Variants in COXFA4L2 observed in about 807,000 individuals in gnomAD.
COXFA4L2 encodes cytochrome c oxidase hypoxia associated subunit FA4L2, also known as NADH dehydrogenase (ubiquinone) 1 alpha subcomplex, 4-like 2.
At chr12:57,239,126 C>G in the COXFA4L2 span, among the ~76,000 whole-genome samples, 2 of 152,246 alleles carry the variant, frequency 1.3e-5, no homozygotes, top group Non-Finnish European at 2.9e-5. The surrounding 1 kb of genome is among the most constrained non-coding windows in gnomAD (Gnocchi z 5.5). Flanking sequence ...AGCGCTAACC[C>G]GCACCAGGAT....
At chr12:57,237,003 G>A in the COXFA4L2 span, 2 of 1,613,874 alleles carry the variant, frequency 1.2e-6, no homozygotes, top group African/African-American at 2.7e-5. Flanking sequence ...TTAGGAGTTA[G>A]AGGTTCTGAG....
chr12:57,235,561 G>A, the COXFA4L2 span: 1 of 1,613,544 alleles, frequency 6.2e-7, no homozygotes, highest in Non-Finnish European at 8.5e-7. Context: ...GCCCAGCCTG[G>A]CTTAGAAGTC....
chr12:57,235,893 C>T, the COXFA4L2 span: 16 of 1,311,228 alleles, frequency 1.2e-5, no homozygotes, highest in African/African-American at 5.9e-5. Flanking sequence ...AAGCTCCACC[C>T]GGAGGCTCTG....
At chr12:57,235,706 A>G in the COXFA4L2 span, 1 of 1,611,458 alleles carries the variant, frequency 6.2e-7, no homozygotes, top group Non-Finnish European at 8.5e-7. Flanking sequence ...CAGGACCAGG[A>G]GATAAGAGGA....
chr12:57,235,541 G>A, the COXFA4L2 span: 3 of 1,611,776 alleles, frequency 1.9e-6, no homozygotes, highest in Non-Finnish European at 2.5e-6. Flanking sequence ...TGGCTTGCAT[G>A]GCACTGGCAG....
the COXFA4L2 span, chr12:57,240,126 C>G: frequency 6.6e-6 from 1 of 152,246 alleles, no homozygotes; most frequent in Non-Finnish European, 1.5e-5. Flanking sequence ...CCCTGACCCC[C>G]CTCTGCCATT....
chr12:57,237,082 C>T, the COXFA4L2 span: 1 of 1,614,078 alleles, frequency 6.2e-7, no homozygotes, highest in African/African-American at 1.3e-5. Context: ...CTGGCTCCTG[C>T]CATATCGTTG....
the COXFA4L2 span, chr12:57,237,233 C>T: frequency 2.7e-6 from 4 of 1,499,086 alleles, no homozygotes; most frequent in East Asian, 2.4e-5. Context: ...CCCACCCCAA[C>T]TTAGCTCACT....
chr12:57,235,527 G>C, the COXFA4L2 span: 1 of 1,607,472 alleles, frequency 6.2e-7, no homozygotes, highest in East Asian at 2.2e-5. Context: ...GGGCTGGCTG[G>C]CTGTGGCTTG....
chr12:57,237,842 A>G, the COXFA4L2 span: 1 of 154,450 alleles, frequency 6.5e-6, no homozygotes, highest in South Asian at 2.0e-4. Flanking sequence ...CAAGGAGGCC[A>G]TCCACTTCCT....
the COXFA4L2 span, chr12:57,235,437 CCGGCCTGTGTAAGCAGTA>C: frequency 1.2e-5 from 13 of 1,060,384 alleles, no homozygotes; most frequent in African/African-American, 1.4e-4. Flanking sequence ...GCGTGGGAAC[CCGGCCTGTGTAAGCAGTA>C]GCGGGACAGG....
chr12:57,236,377 G>T, the COXFA4L2 span: 1 of 493,156 alleles, frequency 2.0e-6, no homozygotes, highest in Non-Finnish European at 3.6e-6. Context: ...CGCGGGTTCC[G>T]CATTTCAGGG....
chr12:57,240,588 C>T, the COXFA4L2 span: 2 of 854,162 alleles, frequency 2.3e-6, no homozygotes, highest in Non-Finnish European at 2.8e-6. Context: ...CACTCGCGCG[C>T]GCACGTGCGT....
the COXFA4L2 span, chr12:57,235,243 G>A: frequency 2.9e-5 from 13 of 455,692 alleles, no homozygotes; most frequent in South Asian, 1.1e-4. Flanking sequence ...CGCTCAACAC[G>A]TAGCCTGTGC....
chr12:57,238,447 C>T, the COXFA4L2 span, among the ~76,000 whole-genome samples: 1 of 152,180 alleles, frequency 6.6e-6, no homozygotes, highest in South Asian at 2.1e-4. The surrounding 1 kb of genome is among the most constrained non-coding windows in gnomAD (Gnocchi z 6.8). Flanking sequence ...CTGTTAGAGC[C>T]TCCAGCAGCC....
At chr12:57,238,400 A>ATG in the COXFA4L2 span, among the ~76,000 whole-genome samples, 1 of 149,158 alleles carries the variant, frequency 6.7e-6, no homozygotes, top group African/African-American at 2.5e-5. The surrounding 1 kb of genome is among the most constrained non-coding windows in gnomAD (Gnocchi z 6.8). Context: ...ACTCGCTGCG[A>ATG]TGTGTGTGGG....
At chr12:57,236,212 G>A in the COXFA4L2 span, 1,006 of 330,072 alleles carry the variant, frequency 3.0e-3, 8 homozygotes, top group African/African-American at 0.019. Context: ...TCCGCGGCCG[G>A]GTGTGAAATC....
chr12:57,240,589 G>A, the COXFA4L2 span: 21 of 855,400 alleles, frequency 2.5e-5, no homozygotes, highest in East Asian at 8.5e-4. Flanking sequence ...ACTCGCGCGC[G>A]CACGTGCGTC....
At chr12:57,236,309 A>G in the COXFA4L2 span, 2 of 464,032 alleles carry the variant, frequency 4.3e-6, no homozygotes, top group East Asian at 7.2e-5. Context: ...GAGGTACCCA[A>G]AAGCCCAAGC....
Sources: allele counts gnomAD v4.1 joint callset (sites outside exome capture counted in the v4.1 genomes callset), GRCh38; gene constraint gnomAD v4.1.1; non-coding constraint Gnocchi (gnomAD v3.1); transcripts MANE v1.5; gene names NCBI Gene and HGNC (gene_info 2026-07-23, HGNC 2026-07-21).